Variants in EDIL3 observed in about 807,000 individuals in gnomAD.
EDIL3 encodes EGF-like repeat and discoidin I-like domain-containing protein 3.
A neutral mutation model predicts 67.4 loss-of-function variants in EDIL3; 37 were observed. That is an observed-to-expected ratio of 0.55 (90% CI 0.42 to 0.72). EDIL3 has a LOEUF of 0.72. EDIL3 is among the 30% of genes least tolerant of loss of function. EDIL3 has a pLI of 0.00. For missense variants in EDIL3, 527 were observed against 586.3 expected (o/e 0.90, Z 1.04); for synonymous variants, 195 against 196.3 (o/e 0.99, Z 0.05).
intron 5 of EDIL3, among the ~76,000 whole-genome samples, chr5:84,132,373 T>A (rs856436): frequency 8.8e-4 from 15 of 17,116 alleles, no homozygotes; most frequent in South Asian, 1.5e-3. Flanking sequence ...ATTATATATA[T>A]TATATATAAT....
At chr5:84,258,809 T>C (rs1433103968) in intron 1 of EDIL3, among the ~76,000 whole-genome samples, 1 of 152,102 alleles carries the variant, frequency 6.6e-6, no homozygotes, top group East Asian at 1.9e-4. Context: ...ATTTCACATC[T>C]AATTAAAATA....
chr5:83,951,725 C>A (rs1303082792), intron 10 of EDIL3, among the ~76,000 whole-genome samples: 3 of 151,606 alleles, frequency 2.0e-5, no homozygotes, highest in Non-Finnish European at 4.4e-5. Context: ...TTCTAAAATT[C>A]ATTATTTCTT....
At chr5:84,179,543 G>A (rs964185827) in intron 4 of EDIL3, among the ~76,000 whole-genome samples, 5 of 152,138 alleles carry the variant, frequency 3.3e-5, no homozygotes, top group African/African-American at 1.2e-4. Context: ...TACAGCTCTC[G>A]CTGACAAATC....
intron 5 of EDIL3, among the ~76,000 whole-genome samples, chr5:84,133,690 T>C (rs1246557158): frequency 2.0e-5 from 3 of 151,932 alleles, no homozygotes; most frequent in Non-Finnish European, 4.4e-5. Context: ...ATTAGAAGAA[T>C]TGATGTAATG....
At chr5:83,972,291 G>C (rs913449444) in intron 9 of EDIL3, among the ~76,000 whole-genome samples, 2 of 152,088 alleles carry the variant, frequency 1.3e-5, no homozygotes, top group African/African-American at 4.8e-5. Context: ...GTTTCTGGTT[G>C]TGGCAACATG....
intron 3 of EDIL3, among the ~76,000 whole-genome samples, chr5:84,182,431 G>C (rs1025924299): frequency 1.3e-5 from 2 of 151,812 alleles, no homozygotes; most frequent in Admixed American, 6.6e-5. Flanking sequence ...ATGCCAGCCT[G>C]TGTGACAGAA....
intron 1 of EDIL3, among the ~76,000 whole-genome samples, chr5:84,332,922 G>C (rs927433360): frequency 6.6e-6 from 1 of 152,144 alleles, no homozygotes; most frequent in South Asian, 2.1e-4. Flanking sequence ...AGTAGTTTTT[G>C]ACAGGGGAAA....
intron 1 of EDIL3, among the ~76,000 whole-genome samples, chr5:84,333,653 A>G (rs1746921804): frequency 6.6e-6 from 1 of 152,176 alleles, no homozygotes; most frequent in Admixed American, 6.5e-5. Flanking sequence ...TTAGACTAAA[A>G]GGCCTTAAAG....
chr5:83,986,198 A>G (rs988277384), intron 9 of EDIL3, among the ~76,000 whole-genome samples: 12 of 152,150 alleles, frequency 7.9e-5, no homozygotes, highest in African/African-American at 2.9e-4. Flanking sequence ...AGCTAGTTTA[A>G]AAGAGCGCAG....
intron 4 of EDIL3, among the ~76,000 whole-genome samples, chr5:84,157,831 G>A (rs931173504): frequency 7.9e-5 from 12 of 151,822 alleles, no homozygotes; most frequent in African/African-American, 2.4e-4. Context: ...AAAAAATAAC[G>A]TAACGCTAAA....
intron 1 of EDIL3, among the ~76,000 whole-genome samples, chr5:84,369,672 T>C (rs1348650729): frequency 2.0e-5 from 3 of 152,118 alleles, no homozygotes; most frequent in South Asian, 2.1e-4. Context: ...TGGATGGTCA[T>C]AATGATTGCA....
intron 4 of EDIL3, among the ~76,000 whole-genome samples, chr5:84,154,197 C>T (rs1748450379): frequency 6.6e-6 from 1 of 152,106 alleles, no homozygotes; most frequent in Non-Finnish European, 1.5e-5. Flanking sequence ...AGCCATATCT[C>T]CAAACCCAAA....
At chr5:84,207,942 C>A (rs1744022088) in intron 3 of EDIL3, among the ~76,000 whole-genome samples, 1 of 152,106 alleles carries the variant, frequency 6.6e-6, no homozygotes, top group African/African-American at 2.4e-5. Flanking sequence ...ACCATAAAAA[C>A]CCGAGAAGAA....
chr5:84,143,582 G>A (rs1169989724), intron 4 of EDIL3, among the ~76,000 whole-genome samples: 4 of 151,944 alleles, frequency 2.6e-5, no homozygotes, highest in South Asian at 2.1e-4. Context: ...TATCTGGGTT[G>A]TTTATATTAA....
chr5:84,193,446 G>A (rs988680739), intron 3 of EDIL3, among the ~76,000 whole-genome samples: 2 of 152,052 alleles, frequency 1.3e-5, no homozygotes, highest in Non-Finnish European at 1.5e-5. Flanking sequence ...AGGATCATGA[G>A]TAATCTTTAT....
intron 9 of EDIL3, among the ~76,000 whole-genome samples, chr5:84,029,269 A>G (rs1745874786): frequency 6.6e-6 from 1 of 152,032 alleles, no homozygotes; most frequent in Admixed American, 6.6e-5. Flanking sequence ...ACAAAACAAA[A>G]CAAAACAAAA....
intron 6 of EDIL3, among the ~76,000 whole-genome samples, chr5:84,095,756 T>G (rs1747250592): frequency 6.6e-6 from 1 of 152,076 alleles, no homozygotes; most frequent in East Asian, 1.9e-4. Context: ...GAGGAGAAAT[T>G]CAAGCCAGCT....
At chr5:84,282,330 A>G (rs1410746567) in intron 1 of EDIL3, among the ~76,000 whole-genome samples, 1 of 152,188 alleles carries the variant, frequency 6.6e-6, no homozygotes, top group Non-Finnish European at 1.5e-5. Context: ...AAAACAATCT[A>G]GAGGTCTACT....
In EDIL3 at chr5:84,229,894, G is replaced by A. The variant is rs757521094; in HGVS notation, c.197-10C>T. 5 of 1,590,214 alleles carry A rather than the reference G, an allele frequency of 3.1e-6. No homozygotes were observed. Among genetic ancestry groups the A allele is most frequent in the Middle Eastern group, 1.7e-4 (1 of 5,962 alleles). ...TCTTCTTCATCTGATGCTATGATAA[G>A]AGGAAAAGGTGAAATGGGGGTGGGG... On this transcript the variant is annotated splice_polypyrimidine_tract_variant and intron_variant, in intron 2 of 10. Coordinates refer to ENST00000296591, the MANE Select transcript of EDIL3 (RefSeq NM_005711.5).
Sources: gnomAD v4.1 joint callset for allele counts (sites outside exome capture counted in the v4.1 genomes callset) on GRCh38, gnomAD v4.1.1 for gene constraint, MANE v1.5 for transcripts, NCBI Gene and HGNC (gene_info 2026-07-23, HGNC 2026-07-21) for gene names.